GFOD1: variants seen among roughly 807,000 people sequenced by gnomAD.
GFOD1 encodes glucose-fructose oxidoreductase domain-containing protein 1.
In GFOD1, 9 loss-of-function variants were observed where a neutral mutation model predicts 25.4. That is an observed-to-expected ratio of 0.35 (90% CI 0.21 to 0.62). GFOD1 has a LOEUF of 0.62. GFOD1 is among the 20% of genes least tolerant of loss of function. The pLI is 0.72. For synonymous variants in GFOD1, 253 were observed against 245.6 expected (o/e 1.03, Z -0.28); for missense variants, 403 against 556.9 (o/e 0.72, Z 2.78).
At chr6:13,373,368 T>C (rs1407034478) in intron 1 of GFOD1, among the ~76,000 whole-genome samples, 1 of 152,196 alleles carries the variant, frequency 6.6e-6, no homozygotes, top group Non-Finnish European at 1.5e-5. Flanking sequence ...ATAAGATTAA[T>C]GGTGTTTAAT....
intron 1 of GFOD1, among the ~76,000 whole-genome samples, chr6:13,407,499 C>T (rs1205375557): frequency 1.3e-5 from 2 of 152,218 alleles, no homozygotes; most frequent in Non-Finnish European, 2.9e-5. Context: ...CAGAGCAGCA[C>T]TCCTTGACCA....
rs557193375 is a variant in GFOD1 at position 13,365,924 on chromosome 6, G to A, written c.254-262C>T. Among the ~76,000 whole-genome samples, 111 of 139,684 alleles carry A rather than the reference G, an allele frequency of 7.9e-4. No individual in the cohort carries two copies. The highest frequency in any genetic ancestry group is 2.3e-3 in the African/African-American group (85 of 36,782). The allele number at this position is 139,684 out of a possible 152,430, so 91.6% of individuals were successfully genotyped here. ...TAATAATAATAATAATAATAATAAT[G>A]AGCCGGGCGTGGTGGTGCACGCCTG... On this transcript the variant is annotated intron_variant, in intron 1 of 1. Transcript: ENST00000379287. The surrounding 1 kb of genome is among the most constrained non-coding windows in gnomAD (Gnocchi z 9.2).
chr6:13,464,904 G>A (rs1758353644), intron 1 of GFOD1, among the ~76,000 whole-genome samples: 1 of 115,684 alleles, frequency 8.6e-6, no homozygotes. Context: ...GTGTGTGTGT[G>A]TGTATCCTTT....
intron 1 of GFOD1, among the ~76,000 whole-genome samples, chr6:13,409,328 GGAGAGAAAGAGAGA>G (rs1562209744): frequency 7.2e-6 from 1 of 139,044 alleles, no homozygotes; most frequent in African/African-American, 2.7e-5. Context: ...AAGGAAGGAA[GGAGAGAAAGAGAGA>G]GAGAGAAAGA....
At chr6:13,389,654 C>A (rs544957630) in intron 1 of GFOD1, among the ~76,000 whole-genome samples, 1 of 151,982 alleles carries the variant, frequency 6.6e-6, no homozygotes, top group Non-Finnish European at 1.5e-5. Flanking sequence ...AGGAGAAATA[C>A]CTAATGTAAA....
intron 1 of GFOD1, among the ~76,000 whole-genome samples, chr6:13,432,066 G>A (rs1584648112): frequency 6.6e-6 from 1 of 152,172 alleles, no homozygotes; most frequent in Admixed American, 6.5e-5. Flanking sequence ...CAAGGCCCAA[G>A]TCACACACCA....
intron 1 of GFOD1, among the ~76,000 whole-genome samples, chr6:13,404,903 T>C (rs1373182195): frequency 6.6e-6 from 1 of 152,230 alleles, no homozygotes; most frequent in Admixed American, 6.5e-5. Context: ...CATTGCTTTA[T>C]GAGGCACCCA....
At chr6:13,367,112 TATC>T (rs1191825438) in intron 1 of GFOD1, among the ~76,000 whole-genome samples, 18 of 152,130 alleles carry the variant, frequency 1.2e-4, no homozygotes, top group Non-Finnish European at 2.6e-4. Flanking sequence ...ATATTTAAAA[TATC>T]ATTTTTAGTA....
Position 13,486,257 on chromosome 6 carries a change from C to CCA in GFOD1, c.253+379_253+380dup, listed in dbSNP as rs1370997567. On this transcript the variant is annotated intron_variant, in intron 1 of 1. Coordinates refer to ENST00000379287, the MANE Select transcript of GFOD1 (RefSeq NM_018988.4). Reference sequence around the variant, plus strand: ...TCCTCCACCCCCCCATCCCCCCCCCCCACACACACACACTTGGACACTACA... The same window carrying CCA: ...TCCTCCACCCCCCCATCCCCCCCCCCCACACACACACACACTTGGACACTACA... 282 of 277,552 alleles carry CCA rather than the reference C, an allele frequency of 1.0e-3. 4 individuals carry two copies. Among genetic ancestry groups the CCA allele is most frequent in the African/African-American group, 6.5e-3 (223 of 34,342 alleles). The allele number at this position is 277,552 out of a possible 1,614,324, so 17.2% of individuals were successfully genotyped here. A position where few individuals can be genotyped will look rare whatever the true frequency, so the allele number is the denominator to read the frequency against.
chr6:13,462,316 G>T (rs1169333909), intron 1 of GFOD1, among the ~76,000 whole-genome samples: 5 of 152,196 alleles, frequency 3.3e-5, no homozygotes, highest in Admixed American at 2.6e-4. Flanking sequence ...ATCAGGGAAT[G>T]GATATTTTTG....
chr6:13,397,460 T>G (rs935760828), intron 1 of GFOD1, among the ~76,000 whole-genome samples: 1 of 152,216 alleles, frequency 6.6e-6, no homozygotes, highest in African/African-American at 2.4e-5. Flanking sequence ...ACTTTTCACT[T>G]CCTCTTTCAC....
intron 1 of GFOD1, among the ~76,000 whole-genome samples, chr6:13,394,836 T>C (rs931243733): frequency 2.6e-5 from 4 of 152,168 alleles, no homozygotes; most frequent in Non-Finnish European, 5.9e-5. Context: ...TTTCACCATA[T>C]TGGCCAGGCT....
chr6:13,412,136 T>G lies in GFOD1; in HGVS notation c.254-46474A>C, dbSNP rs894413828. On this transcript the variant is annotated intron_variant, in intron 1 of 1. Coordinates refer to ENST00000379287, the MANE Select transcript of GFOD1 (RefSeq NM_018988.4). The stretch of plus-strand genomic sequence containing the variant: ...GCCACTTAGTACATTATAAGTGTTA[T>G]GAGCTGAAGTGTGTCCCTCTAAAAT... 9.2e-5 allele frequency among the ~76,000 whole-genome samples: 14 copies of G among 152,318 alleles called. 1 individual carries two copies. In the South Asian group the frequency reaches 2.5e-3, roughly 27 times the overall value.
chr6:13,426,504 T>C (rs1786355562), intron 1 of GFOD1, among the ~76,000 whole-genome samples: 2 of 152,330 alleles, frequency 1.3e-5, no homozygotes, highest in East Asian at 3.9e-4. Context: ...TCTGCGTCAC[T>C]GTCCTTTGGT....
intron 1 of GFOD1, 55 bp downstream of exon 1, chr6:13,486,583 A>C (rs2127580867): frequency 3.2e-5 from 44 of 1,381,538 alleles, no homozygotes; most frequent in Middle Eastern, 2.0e-4. Context: ...GAAGGAACCT[A>C]GAGAAGGTTA....
In GFOD1 at chr6:13,365,770, TGTG is replaced by T. The variant is rs1168244745; in HGVS notation, c.254-111_254-109del. 6.7e-6 allele frequency: 6 copies of T among 890,678 alleles called. No homozygotes were observed. The highest frequency in any genetic ancestry group is 1.0e-5 in the Non-Finnish European group (6 of 590,600). The allele number at this position is 890,678 out of a possible 1,614,324, so 55.2% of individuals were successfully genotyped here. On this transcript the variant is annotated intron_variant, in intron 1 of 1. Coordinates refer to ENST00000379287, the MANE Select transcript of GFOD1 (RefSeq NM_018988.4). This position sits in a 1 kb window ranked among gnomAD's most constrained non-coding sequence, Gnocchi z 9.2. The stretch of plus-strand genomic sequence containing the variant: ...ACATTAATAGAAAAAGAAGGTCAGA[TGTG>T]GTGGCTCATGCCTGTTGTCCCAGCA...
intron 1 of GFOD1, among the ~76,000 whole-genome samples, chr6:13,414,008 G>A (rs950474617): frequency 1.3e-5 from 2 of 152,212 alleles, no homozygotes; most frequent in Non-Finnish European, 2.9e-5. Context: ...CTTTCCATCT[G>A]CTTTACAGTT....
intron 1 of GFOD1, among the ~76,000 whole-genome samples, chr6:13,438,869 G>A (rs1218147120): frequency 1.3e-5 from 2 of 152,194 alleles, no homozygotes; most frequent in East Asian, 1.9e-4. Context: ...AGGTGAAGGT[G>A]TTAGCTGGTA....
At chr6:13,485,248 AAG>A (rs1393631567) in intron 1 of GFOD1, among the ~76,000 whole-genome samples, 1 of 152,212 alleles carries the variant, frequency 6.6e-6, no homozygotes, top group Non-Finnish European at 1.5e-5. Context: ...TCTATGGAGA[AAG>A]AGTTTTACAT....
Sources: allele counts gnomAD v4.1 joint callset (sites outside exome capture counted in the v4.1 genomes callset), GRCh38; gene constraint gnomAD v4.1.1; non-coding constraint Gnocchi (gnomAD v3.1); transcripts MANE v1.5; gene names NCBI Gene and HGNC (gene_info 2026-07-23, HGNC 2026-07-21).